Variants in LTBP1 observed in about 807,000 individuals in gnomAD.
LTBP1 encodes the protein latent-transforming growth factor beta-binding protein 1.
In LTBP1, 129 loss-of-function variants were observed where a neutral mutation model predicts 207.6. That is an observed-to-expected ratio of 0.62 (90% confidence interval 0.54 to 0.72). The LOEUF (loss-of-function observed/expected upper bound fraction) is 0.72. Ranked by LOEUF, LTBP1 falls within the 30% of genes least tolerant of loss-of-function variation. The pLI, the probability that LTBP1 is intolerant of heterozygous loss-of-function variation, is 0.00. For missense variants in LTBP1, 2,281 were observed against 2,217.2 expected (o/e 1.03, Z -0.58); for synonymous variants, 963 against 833.7 (o/e 1.16, Z -2.67).
chr2:33,027,245 A>T (rs534404691), intron 3 of LTBP1, among the ~76,000 whole-genome samples: 2 of 152,332 alleles, frequency 1.3e-5, no homozygotes, highest in East Asian at 3.9e-4. Context: ...TAAAAATTGT[A>T]TGTATTTACA....
At chr2:33,310,246 C>A (rs181720469) in intron 23 of LTBP1, among the ~76,000 whole-genome samples, 1 of 152,148 alleles carries the variant, frequency 6.6e-6, no homozygotes, top group East Asian at 1.9e-4. Context: ...GCACCTGGCT[C>A]ACCATTGCTT....
At chr2:33,079,439 C>T (rs1358615461) in intron 3 of LTBP1, among the ~76,000 whole-genome samples, 1 of 152,060 alleles carries the variant, frequency 6.6e-6, no homozygotes, top group African/African-American at 2.4e-5. Flanking sequence ...GATCATAGAG[C>T]TTAAAGAGCT....
At chr2:33,384,224 A>C (rs1240067756) in intron 31 of LTBP1, among the ~76,000 whole-genome samples, 1 of 152,250 alleles carries the variant, frequency 6.6e-6, no homozygotes, top group Non-Finnish European at 1.5e-5. Context: ...TTTAAGATGA[A>C]AAGCAACAGC....
intron 25 of LTBP1, among the ~76,000 whole-genome samples, chr2:33,345,958 C>A (rs1443533857): frequency 2.0e-5 from 3 of 152,278 alleles, no homozygotes; most frequent in East Asian, 1.9e-4. Flanking sequence ...CACTATGGGA[C>A]AACATCAAAC....
chr2:33,139,191 T>C (rs1463410037), intron 5 of LTBP1, among the ~76,000 whole-genome samples: 1 of 152,196 alleles, frequency 6.6e-6, no homozygotes, highest in African/African-American at 2.4e-5. Context: ...TTTCATTTGA[T>C]GCTTACTGCC....
intron 2 of LTBP1, among the ~76,000 whole-genome samples, chr2:33,008,772 G>T (rs1283607584): frequency 6.6e-6 from 1 of 152,216 alleles, no homozygotes; most frequent in Admixed American, 6.5e-5. Context: ...ACAAGGCAGG[G>T]TAGGAGGATA....
intron 7 of LTBP1, 23 bp from the exon 8 acceptor site, chr2:33,217,529 T>C (rs1558831557): frequency 6.3e-7 from 1 of 1,575,868 alleles, no homozygotes; most frequent in Non-Finnish European, 8.7e-7. Flanking sequence ...TTAACCTTCA[T>C]ATTTCACACC....
chr2:32,949,793 T>C (rs963058022), intron 2 of LTBP1, among the ~76,000 whole-genome samples: 1 of 152,218 alleles, frequency 6.6e-6, no homozygotes, highest in African/African-American at 2.4e-5. Flanking sequence ...GATTTTAAAA[T>C]ACAGGTGGAT....
chr2:33,159,023 G>C (rs1395336111), intron 5 of LTBP1, among the ~76,000 whole-genome samples: 6 of 152,168 alleles, frequency 3.9e-5, no homozygotes, highest in African/African-American at 1.4e-4. Context: ...TCGTGATTCT[G>C]TGTCTCATGG....
chr2:33,151,900 CGTT>C (rs1167437091), intron 5 of LTBP1, among the ~76,000 whole-genome samples: 7 of 147,900 alleles, frequency 4.7e-5, no homozygotes, highest in South Asian at 2.1e-4. Context: ...TTTATCCACT[CGTT>C]GATTGATGGA....
intron 3 of LTBP1, among the ~76,000 whole-genome samples, chr2:33,029,726 A>G (rs190202256): frequency 4.6e-5 from 7 of 152,200 alleles, no homozygotes; most frequent in African/African-American, 1.7e-4. Flanking sequence ...TCAGTGTCTG[A>G]CTCCGCTTAA....
At chr2:33,323,749 A>G (rs2094389231) in intron 24 of LTBP1, among the ~76,000 whole-genome samples, 1 of 152,236 alleles carries the variant, frequency 6.6e-6, no homozygotes, top group African/African-American at 2.4e-5. Flanking sequence ...GACAGTCTGT[A>G]GCTCATCCTG....
intron 2 of LTBP1, among the ~76,000 whole-genome samples, chr2:32,970,681 C>T (rs1680716786): frequency 6.6e-6 from 1 of 151,756 alleles, no homozygotes; most frequent in African/African-American, 2.4e-5. Flanking sequence ...AGTTCCAAGT[C>T]AGGTGATGTG....
chr2:33,238,318 G>T (rs951011188), intron 9 of LTBP1, among the ~76,000 whole-genome samples: 1 of 152,092 alleles, frequency 6.6e-6, no homozygotes, highest in Non-Finnish European at 1.5e-5. Context: ...ATAAACTTGC[G>T]TCACTAAGAA....
At chr2:33,397,028 C>CATAT in intron 32 of LTBP1, 105 bp from the exon 33 acceptor site, 2 of 951,056 alleles carry the variant, frequency 2.1e-6, no homozygotes, top group Non-Finnish European at 3.2e-6. Flanking sequence ...TATGTATGGA[C>CATAT]ATATATGTGT....
At chr2:33,364,608 C>G (rs1319910765) in intron 30 of LTBP1, among the ~76,000 whole-genome samples, 1 of 152,118 alleles carries the variant, frequency 6.6e-6, no homozygotes, top group African/African-American at 2.4e-5. Flanking sequence ...CAGGGTTGTT[C>G]CATGGCTTAG....
intron 2 of LTBP1, among the ~76,000 whole-genome samples, chr2:32,992,688 T>G (rs1271830393): frequency 6.6e-6 from 1 of 152,016 alleles, no homozygotes; most frequent in African/African-American, 2.4e-5. Context: ...TTCCAGGACA[T>G]GTAAGGGAAG....
intron 26 of LTBP1, among the ~76,000 whole-genome samples, chr2:33,359,881 A>C (rs185520357): frequency 6.6e-6 from 1 of 152,184 alleles, no homozygotes; most frequent in South Asian, 2.1e-4. Flanking sequence ...TATTGTTTGT[A>C]TTCTTTCATA....
chr2:33,127,767 A>T (rs1273767670), intron 4 of LTBP1, among the ~76,000 whole-genome samples: 1 of 152,196 alleles, frequency 6.6e-6, no homozygotes, highest in Non-Finnish European at 1.5e-5. Context: ...GGTCAGTGAA[A>T]ATCATGGAGG....
Sources: gnomAD v4.1 joint callset for allele counts (sites outside exome capture counted in the v4.1 genomes callset) on GRCh38, gnomAD v4.1.1 for gene constraint, MANE v1.5 for transcripts, NCBI Gene and HGNC (gene_info 2026-07-23, HGNC 2026-07-21) for gene names.